Variants in NCKAP5 observed in about 807,000 individuals in gnomAD.
The protein encoded by NCKAP5 is nck-associated protein 5.
Under a neutral mutation model 167.0 loss-of-function variants are expected in NCKAP5, and 92 were observed. The ratio of observed to expected loss-of-function variants is 0.55; its 90% CI spans 0.47 to 0.66. The LOEUF (loss-of-function observed/expected upper bound fraction) is 0.66, where lower values mean the gene tolerates loss of function less well. Among genes scored for constraint, NCKAP5 ranks in the 30% least tolerant of loss-of-function variants. The probability of loss-of-function intolerance (pLI) is 0.00; values close to 1 mark genes in which losing one functional copy is unlikely to be tolerated. For missense variants in NCKAP5, 2,378 were observed against 2,315.0 expected, an observed-to-expected ratio of 1.03 and a Z score of -0.56; for synonymous variants, 891 against 877.4, an observed-to-expected ratio of 1.02 and a Z score of -0.27.
chr2:133,194,794 C>A (rs1037898231), intron 5 of NCKAP5, among the ~76,000 whole-genome samples: 4 of 150,818 alleles, frequency 2.7e-5, no homozygotes, highest in African/African-American at 9.8e-5. Context: ...TTCACAGACC[C>A]AGAAAATAAA....
At chr2:132,851,150 G>C (rs1452293370) in intron 11 of NCKAP5, among the ~76,000 whole-genome samples, 1 of 152,150 alleles carries the variant, frequency 6.6e-6, no homozygotes, top group Non-Finnish European at 1.5e-5. Flanking sequence ...GCTATTGCAT[G>C]AAGATGGTTT....
At chr2:133,170,693 A>G (rs1035616007) in intron 5 of NCKAP5, among the ~76,000 whole-genome samples, 4 of 152,230 alleles carry the variant, frequency 2.6e-5, no homozygotes, top group African/African-American at 9.6e-5. Context: ...TTGTTGAGGC[A>G]TTGACAAGAC....
At chr2:133,629,716 C>T in the NCKAP5 span, among the ~76,000 whole-genome samples, 1 of 152,094 alleles carries the variant, frequency 6.6e-6, no homozygotes, top group African/African-American at 2.4e-5. Flanking sequence ...ATAGCAAAGA[C>T]ATGGAATCAA....
chr2:132,958,377 C>T (rs1573548503), intron 8 of NCKAP5, among the ~76,000 whole-genome samples: 1 of 152,122 alleles, frequency 6.6e-6, no homozygotes, highest in Non-Finnish European at 1.5e-5. Context: ...AAAACAACAA[C>T]AAAAAATACC....
At position 132,915,287 on chromosome 2, in the gene NCKAP5, C is replaced by T. The variant is rs544218698; in HGVS notation, c.580-36371G>A. ...CTGTATCAGATGAGAAGACGAGAGG[C>T]CGTCCTGTGTGCTGCATGGCCTGAC... On this transcript the variant is annotated intron_variant, in intron 8 of 19. Transcript: ENST00000409261. Among the ~76,000 whole-genome samples, 9 of 152,078 alleles carry T rather than the reference C, an allele frequency of 5.9e-5. No homozygotes were observed. The East Asian group carries it at 1.7e-3, about 29-fold the overall frequency.
intron 3 of NCKAP5, among the ~76,000 whole-genome samples, chr2:133,416,445 G>A (rs2151076557): frequency 6.6e-6 from 1 of 152,210 alleles, no homozygotes; most frequent in Admixed American, 6.5e-5. Context: ...CTACCTTCAT[G>A]ATTTCTGAGA....
intron 6 of NCKAP5, among the ~76,000 whole-genome samples, chr2:133,097,585 A>G (rs1368909897): frequency 6.6e-6 from 1 of 152,222 alleles, no homozygotes; most frequent in Non-Finnish European, 1.5e-5. Context: ...TCAATAAGAA[A>G]GAAAGGAAAA....
the NCKAP5 span, among the ~76,000 whole-genome samples, chr2:133,656,033 C>T: frequency 0.087 from 13,191 of 152,230 alleles, 667 homozygotes; most frequent in African/African-American, 0.12. Flanking sequence ...GACATTTCTT[C>T]TTACGGATTT....
chr2:133,122,202 A>G (rs560195066), intron 6 of NCKAP5: 1 of 152,338 alleles, frequency 6.6e-6, no homozygotes, highest in Non-Finnish European at 1.5e-5. Flanking sequence ...CTATAAACGT[A>G]AGAAAAGTGG....
At chr2:133,484,513 A>G (rs1477279260) in intron 3 of NCKAP5, among the ~76,000 whole-genome samples, 1 of 152,198 alleles carries the variant, frequency 6.6e-6, no homozygotes, top group Admixed American at 6.5e-5. Flanking sequence ...ATAGAACAAC[A>G]TGACAAGATG....
intron 3 of NCKAP5, among the ~76,000 whole-genome samples, chr2:133,423,842 C>A (rs1033557903): frequency 1.3e-5 from 2 of 152,116 alleles, no homozygotes; most frequent in Non-Finnish European, 2.9e-5. Context: ...AAAATGAATT[C>A]TATTTATCTC....
At position 133,465,130 on chromosome 2, in the gene NCKAP5, G is replaced by A. The variant is rs1056351777; in HGVS notation, c.69+52328C>T. On this transcript the variant is annotated intron_variant, in intron 3 of 19. Coordinates refer to ENST00000409261, the MANE Select transcript of NCKAP5 (RefSeq NM_207363.3). ...CCACTAACTCGTCATCTAGCATTAG[G>A]TGTATCTCCCAGTGCTATCCCTCCC... Among the ~76,000 whole-genome samples, 184 of 150,868 alleles carry A rather than the reference G, an allele frequency of 1.2e-3. 1 individual carries two copies. The highest frequency in any genetic ancestry group is 4.2e-3 in the African/African-American group (172 of 41,044).
intron 5 of NCKAP5, among the ~76,000 whole-genome samples, chr2:133,190,098 G>A (rs1054238571): frequency 6.6e-6 from 1 of 152,054 alleles, no homozygotes; most frequent in Non-Finnish European, 1.5e-5. Context: ...AATTCAATGT[G>A]CAAAAATCAC....
chr2:133,334,541 TC>T (rs1231337054), intron 3 of NCKAP5, among the ~76,000 whole-genome samples: 8 of 152,136 alleles, frequency 5.3e-5, no homozygotes, highest in Non-Finnish European at 8.8e-5. Context: ...AAGTGGAGAT[TC>T]AAGACCACGA....
chr2:133,270,813 A>G (rs1011325108), intron 4 of NCKAP5, among the ~76,000 whole-genome samples: 4 of 151,928 alleles, frequency 2.6e-5, no homozygotes, highest in East Asian at 1.9e-4. Context: ...ACACCAAGTA[A>G]CCAATGGGAA....
At position 132,832,433 on chromosome 2, in the gene NCKAP5, G is replaced by T. The variant is rs1434025086; in HGVS notation, c.807+28059C>A. Among the ~76,000 whole-genome samples the T allele has an allele frequency of 3.3e-5, 5 of 152,080 alleles. 1 individual carries two copies. The South Asian group carries it at 1.0e-3, about 32-fold the overall frequency. On this transcript the variant is annotated intron_variant, in intron 11 of 19. Transcript: ENST00000409261. The stretch of plus-strand genomic sequence containing the variant: ...TGCAACTTTGTTACATGGATAGATT[G>T]CATAATGGTCCCATTAGAGCTTTTA...
At chr2:132,835,403 T>C (rs1244014467) in intron 11 of NCKAP5, among the ~76,000 whole-genome samples, 2 of 152,222 alleles carry the variant, frequency 1.3e-5, no homozygotes, top group East Asian at 3.8e-4. Context: ...CTGTGATCCC[T>C]GGTTGGCTAA....
At chr2:133,642,256 T>C in the NCKAP5 span, among the ~76,000 whole-genome samples, 1 of 152,128 alleles carries the variant, frequency 6.6e-6, no homozygotes. Context: ...ATCACCTCCA[T>C]GACACAAACA....
chr2:133,245,984 G>A (rs1324834855), intron 4 of NCKAP5, among the ~76,000 whole-genome samples: 3 of 151,954 alleles, frequency 2.0e-5, no homozygotes, highest in Non-Finnish European at 4.4e-5. Flanking sequence ...AGCATATGTT[G>A]CAACAGCTGT....
Sources: allele counts gnomAD v4.1 joint callset (sites outside exome capture counted in the v4.1 genomes callset), GRCh38; gene constraint gnomAD v4.1.1; transcripts MANE v1.5; gene names NCBI Gene and HGNC (gene_info 2026-07-23, HGNC 2026-07-21).